GNRH1: variants seen among roughly 807,000 people sequenced by gnomAD.
GNRH1 encodes the protein progonadoliberin-1.
Under a neutral mutation model 13.6 loss-of-function variants are expected in GNRH1, and 9 were observed. The ratio of observed to expected loss-of-function variants is 0.66; its 90% CI spans 0.40 to 1.15. GNRH1 has a LOEUF of 1.15. Among genes scored for constraint, GNRH1 ranks in the 50% most tolerant of loss-of-function variants. The pLI is 0.01. For missense variants in GNRH1, 116 were observed against 110.8 expected (o/e 1.05, Z -0.21); for synonymous variants, 44 against 40.1 (o/e 1.10, Z -0.37).
rs1801770472 is a variant in GNRH1, at chr8:25,421,442, C to G, written c.237+131G>C. The G allele has an allele frequency of 8.3e-6, 5 of 600,498 alleles. No homozygotes were observed. In the Admixed American group the frequency reaches 1.4e-4, roughly 17 times the overall value. The allele number at this position is 600,498 out of a possible 1,614,324, so 37.2% of individuals were successfully genotyped here. A position where few individuals can be genotyped will look rare whatever the true frequency, so the allele number is the denominator to read the frequency against. On this transcript the variant is annotated intron_variant, in intron 3 of 3. Transcript: ENST00000421054. ...ATTGTCATGAAACACGGTCCTACCA[C>G]AGGAGGTAACAGAGGAGTCAGGAAT...
chr8:25,423,144 T>C, intron 2 of GNRH1, 46 bp downstream of exon 2: 1 of 1,355,310 alleles, frequency 7.4e-7, no homozygotes, highest in Non-Finnish European at 1.1e-6. Flanking sequence ...TATAGTTAAA[T>C]TGAATAAAAT....
intron 2 of GNRH1, among the ~76,000 whole-genome samples, chr8:25,422,001 TA>T (rs146352728): frequency 0.4 from 61,166 of 151,902 alleles, 12,709 homozygotes; most frequent in African/African-American, 0.51. Context: ...TTTATAGTTG[TA>T]AAAAAAGGTT....
At position 25,419,471 on chromosome 8, in the gene GNRH1, T is replaced by C; in HGVS notation, c.238-11A>G. The C allele has an allele frequency of 5.5e-6, 7 of 1,278,518 alleles. No individual in the cohort carries two copies. Among genetic ancestry groups the C allele is most frequent in the Non-Finnish European group, 6.9e-6 (6 of 873,980 alleles). The allele number at this position is 1,278,518 out of a possible 1,614,324, so 79.2% of individuals were successfully genotyped here. On this transcript the variant is annotated splice_polypyrimidine_tract_variant and intron_variant, in intron 3 of 3. Coordinates refer to ENST00000421054, the MANE Select transcript of GNRH1 (RefSeq NM_001083111.2). ...TTCAATCAGACTTTCCTGAAAAATATATAACAAATATATCAAGACTGACTT... is the reference window on the plus strand; with the variant it reads ...TTCAATCAGACTTTCCTGAAAAATACATAACAAATATATCAAGACTGACTT...
At chr8:25,423,475 G>C (rs916160742) in intron 1 of GNRH1, 144 bp from the exon 2 acceptor site, 1 of 707,578 alleles carries the variant, frequency 1.4e-6, no homozygotes, top group East Asian at 2.7e-5. Flanking sequence ...TACAGACACT[G>C]AAACTCAGAG....
chr8:25,423,283 C>T lies in GNRH1; in HGVS notation c.48G>A (p.Trp16Ter), dbSNP rs1801800202. Residue 16 changes from tryptophan to a stop codon, truncating the protein, a stop_gained, in exon 2 of 4, where the codon TGG becomes TGA. Transcript: ENST00000421054. LOFTEE classifies it high-confidence loss of function. ...GCTGGCTGGAGCAGCCTTCCACGCA[C>T]CAAGTCAGTAGAATAAGGCCAGCTA... is the stretch of plus-strand genomic sequence containing the variant. ...KLLAGLILLT[W>*]CVEGCSSQHW... 3 of 1,612,276 alleles carry T rather than the reference C, an allele frequency of 1.9e-6. No individual in the cohort carries two copies. The highest frequency in any genetic ancestry group is 1.3e-5 in the African/African-American group (1 of 74,884).
intron 3 of GNRH1, among the ~76,000 whole-genome samples, chr8:25,419,754 T>C (rs778061019): frequency 5.9e-5 from 9 of 152,076 alleles, no homozygotes; most frequent in Non-Finnish European, 1.3e-4. Context: ...CTCTAGTAGT[T>C]GGGATTGCAG....
chr8:25,422,811 G>A (rs1016623346), intron 2 of GNRH1, among the ~76,000 whole-genome samples: 20 of 152,068 alleles, frequency 1.3e-4, no homozygotes, highest in African/African-American at 4.1e-4. Flanking sequence ...GCATAGATAT[G>A]TTTAAAAGAT....
intron 3 of GNRH1, among the ~76,000 whole-genome samples, chr8:25,420,691 C>A (rs1801758782): frequency 6.6e-6 from 1 of 151,964 alleles, no homozygotes. Context: ...AGTTTGAGAC[C>A]AGCCTGGGCA....
At chr8:25,420,992 G>A (rs1467129421) in intron 3 of GNRH1, among the ~76,000 whole-genome samples, 1 of 152,040 alleles carries the variant, frequency 6.6e-6, no homozygotes, top group Non-Finnish European at 1.5e-5. Flanking sequence ...ATTTTGGGGG[G>A]CGGAATTTGG....
In GNRH1 at chr8:25,421,472, G is replaced by GC. The variant is rs1801770773; in HGVS notation, c.237+100dup. 11 of 661,686 alleles carry GC rather than the reference G, an allele frequency of 1.7e-5. No homozygotes were observed. In the South Asian group the frequency reaches 1.9e-4, roughly 11 times the overall value. 41.0% of individuals were successfully genotyped at this position (661,686 alleles called of 1,614,324 possible). ...GGTAACAGAGGAGTCAGGAATGTAA[G>GC]CCCCACAGTATCTGGGAGGTAGCTG... On this transcript the variant is annotated intron_variant, in intron 3 of 3. Coordinates refer to ENST00000421054, the MANE Select transcript of GNRH1 (RefSeq NM_001083111.2).
At chr8:25,422,005 A>G (rs1460414753) in intron 2 of GNRH1, among the ~76,000 whole-genome samples, 1 of 152,188 alleles carries the variant, frequency 6.6e-6, no homozygotes, top group African/African-American at 2.4e-5. Context: ...TAGTTGTAAA[A>G]AAAGGTTGGT....
Position 25,423,177 on chromosome 8 carries a change from G to C in GNRH1, c.141+13C>G, listed in dbSNP as rs1224061228. The stretch of plus-strand genomic sequence containing the variant: ...AATCACTATGTCTTATTTTGAAGCT[G>C]AGAGAAACTTACCTCTTGGAAAGAA... On this transcript the variant is annotated intron_variant, in intron 2 of 3. Coordinates refer to ENST00000421054, the MANE Select transcript of GNRH1 (RefSeq NM_001083111.2). 3 of 1,586,554 alleles carry C rather than the reference G, an allele frequency of 1.9e-6. No individual in the cohort carries two copies. The highest frequency in any genetic ancestry group is 1.7e-5 in the Admixed American group (1 of 59,952).
intron 3 of GNRH1, among the ~76,000 whole-genome samples, chr8:25,420,986 TG>T (rs1359424422): frequency 6.6e-6 from 1 of 152,126 alleles, no homozygotes; most frequent in Non-Finnish European, 1.5e-5. Flanking sequence ...ATTTCCATTT[TG>T]GGGGGCGGAA....
chr8:25,419,777 G>A (rs115009353), intron 3 of GNRH1, among the ~76,000 whole-genome samples: 29 of 151,938 alleles, frequency 1.9e-4, no homozygotes, highest in African/African-American at 4.8e-4. Context: ...ATGCATCACC[G>A]CATCTGGCTA....
At chr8:25,423,041 G>A (rs1801794744) in intron 2 of GNRH1, 149 bp downstream of exon 2, 1 of 733,670 alleles carries the variant, frequency 1.4e-6, no homozygotes, top group African/African-American at 1.7e-5. Flanking sequence ...AAGTAGGAAT[G>A]GGACTTCTAC....
intron 3 of GNRH1, among the ~76,000 whole-genome samples, chr8:25,420,386 A>T (rs1487508059): frequency 1.0e-4 from 5 of 49,772 alleles, no homozygotes; most frequent in Admixed American, 2.5e-4. Context: ...TGCACTCCAA[A>T]AAAAACGAAA....
At chr8:25,420,725 A>C (rs188192159) in intron 3 of GNRH1, among the ~76,000 whole-genome samples, 1 of 152,186 alleles carries the variant, frequency 6.6e-6, no homozygotes, top group East Asian at 1.9e-4. Flanking sequence ...CTCTACAAAA[A>C]ATTAAAAAAT....
intron 3 of GNRH1, among the ~76,000 whole-genome samples, 167 bp from the exon 4 acceptor site, chr8:25,419,627 T>G (rs1291241691): frequency 1.3e-5 from 2 of 148,724 alleles, no homozygotes; most frequent in African/African-American, 4.9e-5. Context: ...TTTTTCTGGT[T>G]TTTTTTTTTT....
In GNRH1 at chr8:25,421,596, G is replaced by C; in HGVS notation, c.214C>G (p.Leu72Val). 1 of 1,596,682 alleles carries C rather than the reference G, an allele frequency of 6.3e-7. No individual in the cohort carries two copies. ...ECTTHQPRSPLRDLKGALESL... is the reference protein window; with the variant it reads ...ECTTHQPRSPVRDLKGALESL... Reference sequence around the variant, plus strand: ...ACCAGAGCTCCTTTCAGGTCTCGGAGGGGAGAACGTGGCTGGTGCGTGGTG... The same window carrying C: ...ACCAGAGCTCCTTTCAGGTCTCGGACGGGAGAACGTGGCTGGTGCGTGGTG... The change falls in exon 3 of 4, where the codon CTC (leucine) becomes GTC (valine). Residue 72 changes from leucine (L) to valine (V), a missense_variant. Physicochemically the swap from Leu to Val is conservative, Grantham distance 32 (BLOSUM62 1). Coordinates refer to ENST00000421054, the MANE Select transcript of GNRH1 (RefSeq NM_001083111.2).
Sources: gnomAD v4.1 joint callset for allele counts (sites outside exome capture counted in the v4.1 genomes callset) on GRCh38, gnomAD v4.1.1 for gene constraint, MANE v1.5 for transcripts, NCBI Gene and HGNC (gene_info 2026-07-23, HGNC 2026-07-21) for gene names.